Variants in RALGAPA1 observed in about 807,000 individuals in gnomAD.
RALGAPA1 encodes Ral GTPase activating protein catalytic subunit alpha 1.
RALGAPA1 carries 52 observed loss-of-function variants against 269.6 expected under a neutral mutation model. The observed-to-expected ratio is 0.19, with a 90% confidence interval of 0.15 to 0.24. The LOEUF is 0.24. RALGAPA1 is among the 10% of genes least tolerant of loss of function. RALGAPA1 has a pLI of 1.00. For missense variants in RALGAPA1, 1,917 were observed against 3,013.9 expected (o/e 0.64, Z 8.52); for synonymous variants, 817 against 1,008.3 (o/e 0.81, Z 3.60).
chr14:35,626,036 C>T (rs2060972573), intron 34 of RALGAPA1, among the ~76,000 whole-genome samples: 1 of 152,138 alleles, frequency 6.6e-6, no homozygotes, highest in Non-Finnish European at 1.5e-5. Context: ...GAGTAGAATG[C>T]ATTTATACCA....
At chr14:35,767,373 T>G (rs770094193) in intron 4 of RALGAPA1, among the ~76,000 whole-genome samples, 2 of 152,084 alleles carry the variant, frequency 1.3e-5, no homozygotes, top group Non-Finnish European at 2.9e-5. Context: ...AGATTAATAT[T>G]CTATGGTTAC....
intron 31 of RALGAPA1, among the ~76,000 whole-genome samples, chr14:35,643,238 G>A (rs890487709): frequency 3.3e-5 from 5 of 152,024 alleles, no homozygotes; most frequent in African/African-American, 1.2e-4. Flanking sequence ...TGTAAATGAC[G>A]AGTTAATGGG....
At chr14:35,719,479 A>G (rs759162542) in intron 16 of RALGAPA1, among the ~76,000 whole-genome samples, 1 of 152,212 alleles carries the variant, frequency 6.6e-6, no homozygotes, top group Non-Finnish European at 1.5e-5. Flanking sequence ...CTGTTTTGAC[A>G]TTAGTACAAC....
intron 32 of RALGAPA1, among the ~76,000 whole-genome samples, chr14:35,635,061 C>T (rs1158032562): frequency 6.6e-6 from 1 of 151,968 alleles, no homozygotes; most frequent in Admixed American, 6.6e-5. Context: ...ATCCCAGCTA[C>T]TCAGGAGACT....
At chr14:35,699,119 A>G (rs2067132577) in intron 17 of RALGAPA1, among the ~76,000 whole-genome samples, 1 of 152,256 alleles carries the variant, frequency 6.6e-6, no homozygotes, top group Admixed American at 6.5e-5. Context: ...ATTGTCATCA[A>G]TTAAAAAATC....
chr14:35,692,986 G>A (rs995554317), intron 17 of RALGAPA1, among the ~76,000 whole-genome samples: 9 of 152,050 alleles, frequency 5.9e-5, no homozygotes, highest in African/African-American at 1.4e-4. Flanking sequence ...TAGGTGCTAT[G>A]CCTATTTTAT....
At position 35,654,255 on chromosome 14, in the gene RALGAPA1, T is replaced by C. The variant is rs528204487; in HGVS notation, c.5607+112A>G. ...CACAAAAAAGCATGATGGGTAGCCA[T>C]TATTTAGCTATGCAAAAAAATTTTA... On this transcript the variant is annotated intron_variant, in intron 30 of 41. Coordinates refer to ENST00000680220, the MANE Select transcript of RALGAPA1 (RefSeq NM_001346249.2). 1.7e-4 allele frequency: 188 copies of C among 1,108,466 alleles called. No individual in the cohort carries two copies. In the East Asian group the frequency reaches 5.2e-3, roughly 30 times the overall value. The allele number at this position is 1,108,466 out of a possible 1,614,324, so 68.7% of individuals were successfully genotyped here.
intron 31 of RALGAPA1, among the ~76,000 whole-genome samples, chr14:35,645,233 T>C (rs1273893318): frequency 1.3e-5 from 2 of 152,094 alleles, no homozygotes; most frequent in African/African-American, 4.8e-5. Flanking sequence ...CCTCACGACC[T>C]AATTACCTCT....
intron 37 of RALGAPA1, 181 bp from the exon 38 acceptor site, chr14:35,572,899 A>G: frequency 2.6e-6 from 1 of 381,820 alleles, no homozygotes; most frequent in Non-Finnish European, 4.6e-6. Flanking sequence ...AAGACCAGAC[A>G]ATTTCAATTG....
intron 4 of RALGAPA1, among the ~76,000 whole-genome samples, chr14:35,764,986 T>C (rs181405066): frequency 8.5e-5 from 13 of 152,350 alleles, no homozygotes; most frequent in Admixed American, 6.5e-4. Context: ...GCTTTTCACA[T>C]GTAGGTCCTG....
intron 33 of RALGAPA1, among the ~76,000 whole-genome samples, chr14:35,633,066 T>C (rs1446289932): frequency 1.3e-5 from 2 of 152,218 alleles, no homozygotes; most frequent in Non-Finnish European, 2.9e-5. Context: ...TAAGCTAATC[T>C]ATTTACATCT....
chr14:35,549,182 G>C lies in RALGAPA1; in HGVS notation c.7549C>G (p.Pro2517Ala). ...LQTIVQHHLE[P>A]TTFEDFAAQV... is the part of the protein sequence containing the mutation. ...GCTGCAAAATCTTCAAATGTTGTTG[G>C]TTCTAAGTGGTGCTGGACAATTGTT... Residue 2517 changes from proline (P) to alanine (A), a missense_variant, in exon 40 of 42, where the codon CCA (proline) becomes GCA (alanine). Transcript: ENST00000680220. 3 of 1,612,496 alleles carry C rather than the reference G, an allele frequency of 1.9e-6. No individual in the cohort carries two copies. Among genetic ancestry groups the C allele is most frequent in the Non-Finnish European group, 2.5e-6 (3 of 1,179,104 alleles).
intron 39 of RALGAPA1, among the ~76,000 whole-genome samples, chr14:35,562,269 C>T (rs2056323721): frequency 6.6e-6 from 1 of 152,176 alleles, no homozygotes; most frequent in Admixed American, 6.5e-5. Flanking sequence ...CCCCCTACTG[C>T]TCTCCTGTTG....
intron 26 of RALGAPA1, among the ~76,000 whole-genome samples, chr14:35,669,501 G>A (rs764263298): frequency 2.6e-5 from 4 of 152,192 alleles, no homozygotes; most frequent in South Asian, 2.1e-4. Context: ...TGATCCACCC[G>A]CCTCAGCCTC....
At chr14:35,601,727 C>G (rs955478222) in intron 36 of RALGAPA1, among the ~76,000 whole-genome samples, 2 of 152,142 alleles carry the variant, frequency 1.3e-5, no homozygotes, top group Admixed American at 1.3e-4. Context: ...GTTATTCTGT[C>G]TTTTCTCCAT....
chr14:35,688,580 T>C lies in RALGAPA1; in HGVS notation c.3831A>G (p.Val1277=). ...TTGCCTTCGGCTTCGAAAGAGCATG[T>C]ACAACAGTTTTATAAACGCCACCCA... ...GSLGGVYKTV[V]HALSKPKANV... The change falls in exon 18 of 42, where the codon GTA becomes GTG. Residue 1277 remains valine (V), a synonymous_variant. Transcript: ENST00000680220. 1 of 1,536,052 alleles carries C rather than the reference T, an allele frequency of 6.5e-7. No homozygotes were observed. Among genetic ancestry groups the C allele is most frequent in the Non-Finnish European group, 8.7e-7 (1 of 1,146,860 alleles).
chr14:35,644,127 C>T (rs1281715430), intron 31 of RALGAPA1, among the ~76,000 whole-genome samples: 1 of 152,132 alleles, frequency 6.6e-6, no homozygotes, highest in East Asian at 1.9e-4. Flanking sequence ...CTGTATGTCT[C>T]TGTCAAAATA....
intron 36 of RALGAPA1, among the ~76,000 whole-genome samples, chr14:35,600,128 T>C (rs1315298135): frequency 3.3e-5 from 5 of 151,218 alleles, no homozygotes; most frequent in African/African-American, 1.2e-4. Flanking sequence ...GATAACAGAA[T>C]GCTAGACTTT....
Position 35,766,709 on chromosome 14 carries a change from T to C in RALGAPA1, c.326-3956A>G, listed in dbSNP as rs1010672024. On this transcript the variant is annotated intron_variant, in intron 4 of 41. Transcript: ENST00000680220. ...TGTTAAAATAAAAATATGAAAATTA[T>C]TTCATCAAAGCACAGAAAGTGAGAT... is the stretch of plus-strand genomic sequence containing the variant. The C allele has an allele frequency of 8.7e-6, 5 of 575,870 alleles. No individual in the cohort carries two copies. The African/African-American group carries it at 9.4e-5, about 11-fold the overall frequency. 35.7% of individuals were successfully genotyped at this position (575,870 alleles called of 1,614,324 possible).
Sources: gnomAD v4.1 joint callset for allele counts (sites outside exome capture counted in the v4.1 genomes callset) on GRCh38, gnomAD v4.1.1 for gene constraint, MANE v1.5 for transcripts, NCBI Gene and HGNC (gene_info 2026-07-23, HGNC 2026-07-21) for gene names.